SLC24A2: variants seen among roughly 807,000 people sequenced by gnomAD.
SLC24A2 encodes the protein solute carrier family 24 member 2, also known as sodium/potassium/calcium exchanger 2.
Under a neutral mutation model 62.0 loss-of-function variants are expected in SLC24A2, and 36 were observed. The ratio of observed to expected loss-of-function variants is 0.58; its 90% CI spans 0.44 to 0.77. SLC24A2 has a LOEUF of 0.77. Among genes scored for constraint, SLC24A2 ranks in the 30% least tolerant of loss-of-function variants. SLC24A2 has a pLI of 0.00. For missense variants in SLC24A2, 846 were observed against 817.9 expected, an observed-to-expected ratio of 1.03 and a Z score of -0.42; for synonymous variants, 358 against 294.0, an observed-to-expected ratio of 1.22 and a Z score of -2.23.
chr9:20,306,488 C>T, the SLC24A2 span, among the ~76,000 whole-genome samples: 1 of 152,214 alleles, frequency 6.6e-6, no homozygotes, highest in Non-Finnish European at 1.5e-5. Flanking sequence ...TTCTGCAAAC[C>T]TGTGGCTGAG....
At chr9:20,017,737 A>G in the SLC24A2 span, among the ~76,000 whole-genome samples, 1 of 152,130 alleles carries the variant, frequency 6.6e-6, no homozygotes, top group Non-Finnish European at 1.5e-5. Flanking sequence ...CTGATGTTTG[A>G]AGGCAGGAAG....
chr9:19,763,327 G>A (rs1822404376), intron 2 of SLC24A2, among the ~76,000 whole-genome samples: 1 of 151,970 alleles, frequency 6.6e-6, no homozygotes, highest in African/African-American at 2.4e-5. Flanking sequence ...TTGCCTAATT[G>A]CCCTGGCCAG....
the SLC24A2 span, among the ~76,000 whole-genome samples, chr9:20,107,314 T>A: frequency 1.3e-5 from 2 of 151,754 alleles, no homozygotes; most frequent in African/African-American, 4.9e-5. Flanking sequence ...AAGCTACCAA[T>A]GACTTTCTTC....
At position 19,657,364 on chromosome 9, in the gene SLC24A2, C is replaced by CT. The variant is rs768574054; in HGVS notation, c.931-35066dup. Among the ~76,000 whole-genome samples, 21 of 152,086 alleles carry CT rather than the reference C, an allele frequency of 1.4e-4. 1 individual carries two copies. Among genetic ancestry groups the CT allele is most frequent in the Admixed American group, 1.2e-3 (19 of 15,266 alleles). The stretch of plus-strand genomic sequence containing the variant: ...ATCTACTCACAGTTCTCTGTGTATT[C>CT]TTTTTTTCATGTTTTTATTTTTTAT... On this transcript the variant is annotated intron_variant, in intron 2 of 10. Coordinates refer to ENST00000341998, the MANE Select transcript of SLC24A2 (RefSeq NM_020344.4).
chr9:19,868,941 G>A, the SLC24A2 span, among the ~76,000 whole-genome samples: 1 of 151,904 alleles, frequency 6.6e-6, no homozygotes, highest in African/African-American at 2.4e-5. Flanking sequence ...CTTTTTGAGT[G>A]GGTGTTTAGT....
At chr9:20,143,520 G>C in the SLC24A2 span, among the ~76,000 whole-genome samples, 1 of 152,150 alleles carries the variant, frequency 6.6e-6, no homozygotes, top group Non-Finnish European at 1.5e-5. Context: ...AAAAGATGAT[G>C]AGAGAAAAAA....
intron 1 of SLC24A2, chr9:19,788,631 T>C: frequency 1.0e-6 from 1 of 985,126 alleles, no homozygotes. Context: ...CCTCTGCGCG[T>C]CTCCCCCGAC....
At chr9:19,954,495 A>G in the SLC24A2 span, among the ~76,000 whole-genome samples, 1 of 152,108 alleles carries the variant, frequency 6.6e-6, no homozygotes, top group African/African-American at 2.4e-5. Flanking sequence ...ATAAACAGGG[A>G]GGCATGTTTC....
At chr9:19,838,032 T>C in the SLC24A2 span, among the ~76,000 whole-genome samples, 2 of 150,502 alleles carry the variant, frequency 1.3e-5, no homozygotes, top group Non-Finnish European at 1.5e-5. Context: ...CCCATCAAGC[T>C]ACCAATGCCT....
chr9:20,242,111 C>A, the SLC24A2 span, among the ~76,000 whole-genome samples: 1 of 152,182 alleles, frequency 6.6e-6, no homozygotes, highest in Admixed American at 6.5e-5. Flanking sequence ...CTGGCAGCCG[C>A]TGGCCAAGCC....
At chr9:19,824,973 G>C in the SLC24A2 span, among the ~76,000 whole-genome samples, 1 of 152,076 alleles carries the variant, frequency 6.6e-6, no homozygotes, top group East Asian at 1.9e-4. Context: ...TGAACAATGA[G>C]AACACATGGA....
the SLC24A2 span, among the ~76,000 whole-genome samples, chr9:19,806,727 G>C: frequency 6.6e-6 from 1 of 152,148 alleles, no homozygotes; most frequent in Admixed American, 6.6e-5. Flanking sequence ...AGAACAATGA[G>C]AAAGAGAGTT....
chr9:19,722,117 G>T (rs1821043539), intron 2 of SLC24A2, among the ~76,000 whole-genome samples: 1 of 152,094 alleles, frequency 6.6e-6, no homozygotes, highest in Non-Finnish European at 1.5e-5. Context: ...CCATGGTCAT[G>T]CTCAAATCCA....
At chr9:20,307,694 G>A in the SLC24A2 span, among the ~76,000 whole-genome samples, 5 of 152,176 alleles carry the variant, frequency 3.3e-5, no homozygotes, top group South Asian at 8.3e-4. Context: ...CGGCCCCTTT[G>A]TTGGTCTTCA....
At chr9:20,284,382 A>G in the SLC24A2 span, among the ~76,000 whole-genome samples, 1 of 152,126 alleles carries the variant, frequency 6.6e-6, no homozygotes, top group East Asian at 1.9e-4. Context: ...GGCTCAAGCA[A>G]TCCTCCAGCC....
the SLC24A2 span, among the ~76,000 whole-genome samples, chr9:19,906,126 C>T: frequency 6.6e-6 from 1 of 152,146 alleles, no homozygotes; most frequent in African/African-American, 2.4e-5. Context: ...TAACAAACTG[C>T]CTCTCAGACC....
the SLC24A2 span, among the ~76,000 whole-genome samples, chr9:20,232,697 C>T: frequency 5.4e-4 from 82 of 152,228 alleles, no homozygotes; most frequent in African/African-American, 1.4e-3. Context: ...CTCCTGGATT[C>T]GTTAATTTTT....
the SLC24A2 span, among the ~76,000 whole-genome samples, chr9:20,262,503 G>C: frequency 6.6e-6 from 1 of 152,172 alleles, no homozygotes; most frequent in Admixed American, 6.5e-5. Context: ...TAGCAGCTTT[G>C]CTGGCCACTG....
In SLC24A2 at chr9:19,510,435, CAAAAAAAAAAAAAAA is replaced by C. The variant is rs67779057; in HGVS notation, c.*5703_*5717del. On this transcript the variant is annotated 3_prime_UTR_variant, in exon 11 of 11. Coordinates refer to ENST00000341998, the MANE Select transcript of SLC24A2 (RefSeq NM_020344.4). ...GTGCCCAGATGCAGTTACTTTTTGCCAAAAAAAAAAAAAAAAAAAAAAAAAGTTAAGTCATTAAGT... is the reference window on the plus strand; with the variant it reads ...GTGCCCAGATGCAGTTACTTTTTGCCAAAAAAAAAAGTTAAGTCATTAAGT... 1.2e-5 allele frequency: 1 copy of C among 86,630 alleles called. No individual in the cohort carries two copies. Among genetic ancestry groups the C allele is most frequent in the Admixed American group, 1.2e-4 (1 of 8,050 alleles). The allele number at this position is 86,630 out of a possible 1,614,324, so 5.4% of individuals were successfully genotyped here.
Sources: gnomAD v4.1 joint callset for allele counts (sites outside exome capture counted in the v4.1 genomes callset) on GRCh38, gnomAD v4.1.1 for gene constraint, MANE v1.5 for transcripts, NCBI Gene and HGNC (gene_info 2026-07-23, HGNC 2026-07-21) for gene names.